Variants in PPP1R13L observed in about 807,000 individuals in gnomAD.
The protein encoded by PPP1R13L is protein phosphatase 1 regulatory subunit 13 like, also known as relA-associated inhibitor.
A neutral mutation model predicts 80.9 loss-of-function variants in PPP1R13L; 50 were observed. The ratio of observed to expected loss-of-function variants is 0.62; its 90% CI spans 0.49 to 0.78. PPP1R13L has a LOEUF of 0.78. Among genes scored for constraint, PPP1R13L ranks in the 30% least tolerant of loss-of-function variants. The pLI is 0.00. For synonymous variants in PPP1R13L, 602 were observed against 534.3 expected (o/e 1.13, Z -1.75); for missense variants, 1,200 against 1,205.9 (o/e 1.00, Z 0.07).
chr19:45,386,462 A>G (rs1972872381), intron 8 of PPP1R13L, among the ~76,000 whole-genome samples: 1 of 152,110 alleles, frequency 6.6e-6, no homozygotes, highest in Non-Finnish European at 1.5e-5. Flanking sequence ...TATCAGTTCA[A>G]AACAATGATT....
intron 7 of PPP1R13L, chr19:45,393,315 G>A (rs1026223295): frequency 2.6e-5 from 4 of 152,124 alleles, no homozygotes; most frequent in African/African-American, 9.7e-5. Context: ...ACACGGCTGA[G>A]CATGGTGGCT....
At chr19:45,392,814 G>C (rs975322133) in intron 7 of PPP1R13L, 3 of 250,530 alleles carry the variant, frequency 1.2e-5, no homozygotes, top group Admixed American at 5.2e-5. Flanking sequence ...GAATCCTGGT[G>C]TTTAATGATT....
At position 45,392,148 on chromosome 19, in the gene PPP1R13L, T is replaced by C; in HGVS notation, c.1547A>G (p.Glu516Gly). 1 of 1,583,776 alleles carries C rather than the reference T, an allele frequency of 6.3e-7. No homozygotes were observed. Among genetic ancestry groups the C allele is most frequent in the East Asian group, 2.2e-5 (1 of 44,544 alleles). ...CCTGCGTTTGAGGGGCCGGGGAATT[T>C]CCGCCAACACCCGTGCCACCTCCTC... ...ELEEVARVLA[E>G]IPRPLKRRGS... Residue 516 changes from glutamate to glycine, a missense_variant, in exon 8 of 13, where the codon GAA becomes GGA. Coordinates refer to ENST00000360957, the MANE Select transcript of PPP1R13L (RefSeq NM_006663.4).
chr19:45,406,177 C>G, upstream of PPP1R13L: 1 of 567,194 alleles, frequency 1.8e-6, no homozygotes, highest in Non-Finnish European at 2.2e-6. This position sits in a 1 kb window ranked among gnomAD's most constrained non-coding sequence, Gnocchi z 4.2. Flanking sequence ...ACGGATTGCC[C>G]CTATTTCTCC....
chr19:45,388,087 T>C lies in PPP1R13L; in HGVS notation c.1816-1907A>G, dbSNP rs116917005. ...AGGAGGCCGTGGCATGAGAATCACT[T>C]GAACCCAGGAGGCACAGTTATAGTG... On this transcript the variant is annotated intron_variant, in intron 8 of 12. Coordinates refer to ENST00000360957, the MANE Select transcript of PPP1R13L (RefSeq NM_006663.4). Among the ~76,000 whole-genome samples the C allele has an allele frequency of 1.3e-4, 19 of 151,914 alleles. 1 individual carries two copies. The East Asian group carries it at 3.3e-3, about 27-fold the overall frequency.
intron 1 of PPP1R13L, among the ~76,000 whole-genome samples, chr19:45,403,708 C>G (rs1973273657): frequency 6.6e-6 from 1 of 152,180 alleles, no homozygotes; most frequent in Admixed American, 6.5e-5. Flanking sequence ...CCTGTTTTGG[C>G]AACCACGGTT....
At chr19:45,386,506 C>T (rs1471437188) in intron 8 of PPP1R13L, among the ~76,000 whole-genome samples, 1 of 152,140 alleles carries the variant, frequency 6.6e-6, no homozygotes, top group African/African-American at 2.4e-5. Flanking sequence ...CACACAGTCT[C>T]ACATTTCTTT....
At chr19:45,397,608 C>T (rs751588142) in intron 3 of PPP1R13L, among the ~76,000 whole-genome samples, 12 of 151,416 alleles carry the variant, frequency 7.9e-5, no homozygotes, top group African/African-American at 2.9e-4. Context: ...CAGGTATGCA[C>T]CACCACACCT....
At position 45,398,021 on chromosome 19, in the gene PPP1R13L, G is replaced by C. The variant is rs1226168728; in HGVS notation, c.182C>G (p.Ala61Gly). Reference sequence around the variant, plus strand: ...CAGGCTTACCCTAGAAGGGGGTCCGGCCTGCGGGCCAGGAGGCGCGGGAGA... The same window carrying C: ...CAGGCTTACCCTAGAAGGGGGTCCGCCCTGCGGGCCAGGAGGCGCGGGAGA... ...SDSPAPPGPQ[A>G]GPPSRPPRYS... Residue 61 changes from alanine (A) to glycine (G), a missense_variant, in exon 3 of 13, where the codon GCC (alanine) becomes GGC (glycine). Physicochemically the swap from Ala to Gly is moderately conservative, Grantham distance 60. Around this residue, in one of 5 missense-constraint regions of PPP1R13L, gnomAD observed 764 missense variants for 714.5 expected, o/e 1.07. Transcript: ENST00000360957. The C allele has an allele frequency of 6.2e-7, 1 of 1,612,600 alleles. No homozygotes were observed. Among genetic ancestry groups the C allele is most frequent in the African/African-American group, 1.3e-5 (1 of 74,924 alleles).
At chr19:45,390,090 C>CTATT (rs34545331) in intron 8 of PPP1R13L, among the ~76,000 whole-genome samples, 1,617 of 148,494 alleles carry the variant, frequency 0.011, 21 homozygotes, top group African/African-American at 0.037. Flanking sequence ...CACGCCCGGC[C>CTATT]TATTTATTTA....
intron 1 of PPP1R13L, among the ~76,000 whole-genome samples, chr19:45,399,585 C>T (rs1055720762): frequency 6.6e-6 from 1 of 151,144 alleles, no homozygotes; most frequent in African/African-American, 2.4e-5. Flanking sequence ...GATCGCGCCA[C>T]TGCACTCCAG....
chr19:45,383,723 G>T (rs2123349315), intron 11 of PPP1R13L, among the ~76,000 whole-genome samples: 1 of 152,216 alleles, frequency 6.6e-6, no homozygotes, highest in Non-Finnish European at 1.5e-5. Context: ...TGAATGATAG[G>T]GTCCTTTAAG....
intron 8 of PPP1R13L, among the ~76,000 whole-genome samples, 189 bp from the exon 9 acceptor site, chr19:45,386,369 A>C (rs950778625): frequency 2.0e-5 from 3 of 152,134 alleles, no homozygotes; most frequent in African/African-American, 7.2e-5. Flanking sequence ...TGCCATAGAC[A>C]GGGAATCCTG....
At chr19:45,384,873 T>C (rs769189648) in intron 11 of PPP1R13L, among the ~76,000 whole-genome samples, 5 of 151,828 alleles carry the variant, frequency 3.3e-5, no homozygotes, top group Non-Finnish European at 5.9e-5. Context: ...AAATAAATAT[T>C]TGTAGAGACA....
Position 45,396,892 on chromosome 19 carries a change from C to G in PPP1R13L, c.365G>C (p.Arg122Pro), listed in dbSNP as rs1201410330. Residue 122 changes from arginine (R) to proline (P), a missense_variant, in exon 4 of 13, where the codon CGC (arginine) becomes CCC (proline). Physicochemically the swap from Arg to Pro is moderately radical, Grantham distance 103. Around this residue, in one of 5 missense-constraint regions of PPP1R13L, gnomAD observed 764 missense variants for 714.5 expected, o/e 1.07. Transcript: ENST00000360957. This position sits in a 1 kb window ranked among gnomAD's most constrained non-coding sequence, Gnocchi z 5.3. ...GTCCGGCTGCAGGTAGAGCGGGGTG[C>G]GCGGCGACGACGGCCGTCCCTTGGG... ...LSPKGRPSSP[R>P]TPLYLQPDAY... The G allele has an allele frequency of 3.3e-6, 5 of 1,521,596 alleles. No individual in the cohort carries two copies. Among genetic ancestry groups the G allele is most frequent in the Admixed American group, 2.1e-5 (1 of 47,842 alleles). The allele number at this position is 1,521,596 out of a possible 1,614,324, so 94.3% of individuals were successfully genotyped here.
intron 3 of PPP1R13L, among the ~76,000 whole-genome samples, chr19:45,397,501 T>TCTTTCTTG (rs1775830314): frequency 1.4e-5 from 2 of 140,046 alleles, no homozygotes; most frequent in Admixed American, 1.5e-4. Context: ...TTTCTTTCTT[T>TCTTTCTTG]CTTTCTTTCT....
At chr19:45,390,276 C>T (rs1021158174) in intron 8 of PPP1R13L, among the ~76,000 whole-genome samples, 2 of 152,076 alleles carry the variant, frequency 1.3e-5, no homozygotes, top group Non-Finnish European at 1.5e-5. Context: ...GCTTCTCCCC[C>T]ACCTCCCCTT....
chr19:45,396,698 T>C lies in PPP1R13L; in HGVS notation c.559A>G (p.Ser187Gly). ...GCCTGGGGCCCCTCCGCCAGGGGGCTGCCGCGGGGGGAGCCTGCGCGGCCC... is the reference window on the plus strand; with the variant it reads ...GCCTGGGGCCCCTCCGCCAGGGGGCCGCCGCGGGGGGAGCCTGCGCGGCCC... Reference protein sequence around the residue: ...FLGRAGSPRGSPLAEGPQAFF... With the variant: ...FLGRAGSPRGGPLAEGPQAFF... Residue 187 changes from serine (S) to glycine (G), a missense_variant, in exon 4 of 13, where the codon AGC (serine) becomes GGC (glycine). Coordinates refer to ENST00000360957, the MANE Select transcript of PPP1R13L (RefSeq NM_006663.4). The surrounding 1 kb of genome is among the most constrained non-coding windows in gnomAD (Gnocchi z 5.3). 1 of 1,410,968 alleles carries C rather than the reference T, an allele frequency of 7.1e-7. No individual in the cohort carries two copies. Among genetic ancestry groups the C allele is most frequent in the South Asian group, 1.6e-5 (1 of 60,880 alleles). 87.4% of individuals were successfully genotyped at this position (1,410,968 alleles called of 1,614,324 possible).
chr19:45,389,373 A>G (rs1959701324), intron 8 of PPP1R13L, among the ~76,000 whole-genome samples: 1 of 152,132 alleles, frequency 6.6e-6, no homozygotes, highest in African/African-American at 2.4e-5. Flanking sequence ...AGTGTTCAGG[A>G]CTGTTCCATG....
Sources: gnomAD v4.1 joint callset for allele counts (sites outside exome capture counted in the v4.1 genomes callset) on GRCh38, gnomAD v4.1.1 for gene constraint, gnomAD v4.1.1 regional missense constraint, Gnocchi (gnomAD v3.1) non-coding constraint, MANE v1.5 for transcripts, NCBI Gene and HGNC (gene_info 2026-07-23, HGNC 2026-07-21) for gene names.